Variants in MBNL1 observed in about 807,000 individuals in gnomAD.
The protein encoded by MBNL1 is muscleblind-like protein 1.
MBNL1 carries 8 observed loss-of-function variants against 42.2 expected under a neutral mutation model. The observed-to-expected ratio is 0.19, with a 90% CI of 0.11 to 0.34. The LOEUF (loss-of-function observed/expected upper bound fraction) is 0.34, where lower values mean the gene tolerates loss of function less well. Ranked by LOEUF, MBNL1 falls within the 10% of genes least tolerant of loss-of-function variation. MBNL1 has a pLI of 1.00. For synonymous variants in MBNL1, 169 were observed against 173.9 expected (o/e 0.97, Z 0.22); for missense variants, 309 against 495.3 (o/e 0.62, Z 3.57).
chr3:152,394,643 A>C (rs1337524944), intron 2 of MBNL1, among the ~76,000 whole-genome samples: 1 of 152,180 alleles, frequency 6.6e-6, no homozygotes, highest in East Asian at 1.9e-4. Flanking sequence ...GCCTGCCCTC[A>C]TGGATCTTAT....
chr3:152,444,563 TC>T (rs2099193538), intron 4 of MBNL1, among the ~76,000 whole-genome samples: 1 of 152,206 alleles, frequency 6.6e-6, no homozygotes, highest in Non-Finnish European at 1.5e-5. Context: ...AGAGTTTCTG[TC>T]TACGCTTTAC....
chr3:152,414,838 A>AC (rs2098669215), intron 2 of MBNL1, 103 bp from the exon 3 acceptor site: 5 of 1,145,088 alleles, frequency 4.4e-6, no homozygotes, highest in Non-Finnish European at 6.4e-6. Flanking sequence ...ATTGTGTGAA[A>AC]AACCAATGAT....
At chr3:152,273,326 A>T (rs1464113306) in intron 1 of MBNL1, among the ~76,000 whole-genome samples, 3 of 152,206 alleles carry the variant, frequency 2.0e-5, no homozygotes, top group Non-Finnish European at 2.9e-5. Context: ...ATATTATAAA[A>T]AATAAACGTT....
chr3:152,330,772 T>C (rs1274050100), intron 2 of MBNL1, among the ~76,000 whole-genome samples: 1 of 152,200 alleles, frequency 6.6e-6, no homozygotes, highest in African/African-American at 2.4e-5. Context: ...ATTATAGTTA[T>C]TGTTGTTAAT....
chr3:152,432,097 A>T (rs2099014934), intron 3 of MBNL1, among the ~76,000 whole-genome samples: 1 of 152,200 alleles, frequency 6.6e-6, no homozygotes, highest in Non-Finnish European at 1.5e-5. Flanking sequence ...TGGAACACTT[A>T]TAATTTCCCC....
At chr3:152,417,618 G>A (rs767831278) in intron 3 of MBNL1, among the ~76,000 whole-genome samples, 3 of 152,090 alleles carry the variant, frequency 2.0e-5, no homozygotes, top group Non-Finnish European at 2.9e-5. Context: ...AAACTTGGAA[G>A]CATCTAGTAT....
At chr3:152,458,364 G>C in intron 8 of MBNL1, 1 of 595,458 alleles carries the variant, frequency 1.7e-6, no homozygotes, top group Non-Finnish European at 3.0e-6. Context: ...TAAATTGAAA[G>C]AACAGCAACA....
At chr3:152,325,822 T>C (rs1205395023) in intron 2 of MBNL1, among the ~76,000 whole-genome samples, 1 of 151,638 alleles carries the variant, frequency 6.6e-6, no homozygotes, top group Admixed American at 6.6e-5. Flanking sequence ...GATTTCTGTC[T>C]TTTTTGTTTG....
intron 4 of MBNL1, among the ~76,000 whole-genome samples, chr3:152,434,070 G>C (rs1397937083): frequency 6.6e-6 from 1 of 152,032 alleles, no homozygotes; most frequent in Non-Finnish European, 1.5e-5. Context: ...TGCATTTTAG[G>C]TTCAGGAGTA....
chr3:152,445,643 T>G, intron 5 of MBNL1, 104 bp downstream of exon 5: 2 of 1,288,712 alleles, frequency 1.6e-6, no homozygotes, highest in Non-Finnish European at 2.1e-6. Context: ...TTAAAAAAAT[T>G]GCTGAAGATA....
rs527280017 is a variant in MBNL1, at chr3:152,377,263, A to C, written c.175-37678A>C. On this transcript the variant is annotated intron_variant, in intron 2 of 9. Coordinates refer to ENST00000324210, the MANE Select transcript of MBNL1 (RefSeq NM_021038.5). ...TTGAATTGGCCTGGTCCTTGTTTTT[A>C]TGTGGGCCTTTGAATCTGGGTTGAT... Among the ~76,000 whole-genome samples the C allele has an allele frequency of 6.6e-5, 10 of 152,274 alleles. 1 individual carries two copies. In the South Asian group the frequency reaches 2.1e-3, roughly 32 times the overall value.
intron 1 of MBNL1, among the ~76,000 whole-genome samples, chr3:152,291,390 T>A (rs2055891738): frequency 6.6e-6 from 1 of 152,198 alleles, no homozygotes; most frequent in African/African-American, 2.4e-5. Context: ...CAAGGAGGTA[T>A]TTAAATATGT....
At chr3:152,410,551 T>C (rs2098542487) in intron 2 of MBNL1, among the ~76,000 whole-genome samples, 3 of 152,370 alleles carry the variant, frequency 2.0e-5, no homozygotes, top group Middle Eastern at 3.4e-3. Flanking sequence ...GGAATCTTTG[T>C]TGGATTAATT....
intron 2 of MBNL1, among the ~76,000 whole-genome samples, chr3:152,376,440 C>CT (rs1289906637): frequency 6.6e-6 from 1 of 152,070 alleles, no homozygotes; most frequent in African/African-American, 2.4e-5. Context: ...GTTAGACTCT[C>CT]TTAAAAAAGA....
In MBNL1 at chr3:152,445,345, C is replaced by G. The variant is rs956621837; in HGVS notation, c.613C>G (p.Pro205Ala). The G allele has an allele frequency of 5.0e-6, 8 of 1,613,890 alleles. No homozygotes were observed. Among genetic ancestry groups the G allele is most frequent in the Non-Finnish European group, 6.8e-6 (8 of 1,179,942 alleles). ...RGENDCRFAHPADSTMIDTND... is the reference protein window; with the variant it reads ...RGENDCRFAHAADSTMIDTND... ...AGAAAATGATTGTCGGTTTGCTCAT[C>G]CTGCTGACAGCACAATGATTGACAC... The change falls in exon 5 of 10, where the codon CCT becomes GCT. Residue 205 changes from proline to alanine, a missense_variant. Coordinates refer to ENST00000324210, the MANE Select transcript of MBNL1 (RefSeq NM_021038.5).
chr3:152,378,036 C>G (rs2096988966), intron 2 of MBNL1, among the ~76,000 whole-genome samples: 1 of 152,086 alleles, frequency 6.6e-6, no homozygotes, highest in African/African-American at 2.4e-5. Context: ...TGAGGACTAA[C>G]TATATTAAGA....
At chr3:152,360,531 A>T (rs1263654874) in intron 2 of MBNL1, among the ~76,000 whole-genome samples, 4 of 151,972 alleles carry the variant, frequency 2.6e-5, no homozygotes, top group Non-Finnish European at 4.4e-5. Context: ...CTCAGGAATC[A>T]TCCTTTCTAT....
At chr3:152,329,442 C>G (rs1466540276) in intron 2 of MBNL1, among the ~76,000 whole-genome samples, 2 of 151,294 alleles carry the variant, frequency 1.3e-5, no homozygotes, top group Non-Finnish European at 2.9e-5. Flanking sequence ...CCCCAAGGAA[C>G]ATAGTGAGAC....
At chr3:152,305,909 T>G (rs1011521138) in intron 2 of MBNL1, among the ~76,000 whole-genome samples, 4 of 152,242 alleles carry the variant, frequency 2.6e-5, no homozygotes, top group Non-Finnish European at 5.9e-5. Flanking sequence ...TGGCACATGT[T>G]TGAAATATTT....
Sources: gnomAD v4.1 joint callset for allele counts (sites outside exome capture counted in the v4.1 genomes callset) on GRCh38, gnomAD v4.1.1 for gene constraint, MANE v1.5 for transcripts, NCBI Gene and HGNC (gene_info 2026-07-23, HGNC 2026-07-21) for gene names.